DSEL: variants seen among roughly 807,000 people sequenced by gnomAD.
The protein encoded by DSEL is dermatan-sulfate epimerase-like protein.
DSEL carries 61 observed loss-of-function variants against 96.6 expected under a neutral mutation model. That is an observed-to-expected ratio of 0.63 (90% CI 0.51 to 0.78). The LOEUF is 0.78. DSEL is among the 30% of genes least tolerant of loss of function. The pLI is 0.00. For missense variants in DSEL, 1,320 were observed against 1,430.8 expected (o/e 0.92, Z 1.25); for synonymous variants, 514 against 502.0 (o/e 1.02, Z -0.32).
In DSEL at chr18:67,513,233, C is replaced by T. The variant is rs1365586737; in HGVS notation, c.1376G>A (p.Gly459Glu). 6.2e-7 allele frequency: 1 copy of T among 1,614,146 alleles called. No individual in the cohort carries two copies. The highest frequency in any genetic ancestry group is 1.7e-5 in the Admixed American group (1 of 60,018). Residue 459 changes from glycine to glutamate, a missense_variant, in exon 2 of 2, where the codon GGG (glycine) becomes GAG (glutamate). By Grantham distance (98) the Gly-to-Glu change is moderately conservative. Coordinates refer to ENST00000310045, the MANE Select transcript of DSEL (RefSeq NM_032160.3). The stretch of plus-strand genomic sequence containing the variant: ...ATGTCCTGGGTTAAAACTTCTCCAC[C>T]CATCAATCCAGGAATATGGCTGAAA... ...VHFQPYSWID[G>E]WRSFNPGHEH...
Position 67,507,348 on chromosome 18 carries a change from A to C in DSEL, c.*3622T>G, listed in dbSNP as rs1312810779. On this transcript the variant is annotated 3_prime_UTR_variant, in exon 2 of 2. Coordinates refer to ENST00000310045, the MANE Select transcript of DSEL (RefSeq NM_032160.3). ...GGCAACAAAGTGAGACTCCATCCCA[A>C]AAAAAAAAAAAAAAAAAAAAAAAAG... 313 of 56,080 alleles carry C rather than the reference A, an allele frequency of 5.6e-3. 4 individuals carry two copies. Among genetic ancestry groups the C allele is most frequent in the African/African-American group, 0.014 (283 of 20,230 alleles). The allele number at this position is 56,080 out of a possible 1,614,324, so 3.5% of individuals were successfully genotyped here.
In DSEL at chr18:67,514,681, T is replaced by C. The variant is rs767717661; in HGVS notation, c.-73A>G. ...CTCAATGTGTTTCCCATCTGGTTAG[T>C]ATAAAACATACAGTAAAGGCCTTGA... is the stretch of plus-strand genomic sequence containing the variant. On this transcript the variant is annotated 5_prime_UTR_variant, in exon 2 of 2. It adds an upstream start codon to the 5' untranslated region. Transcript: ENST00000310045. 15 of 1,519,090 alleles carry C rather than the reference T, an allele frequency of 9.9e-6. No individual in the cohort carries two copies. The highest frequency in any genetic ancestry group is 3.8e-5 in the Admixed American group (2 of 52,230). 94.1% of individuals were successfully genotyped at this position (1,519,090 alleles called of 1,614,324 possible).
Position 67,512,010 on chromosome 18 carries a change from T to A in DSEL, c.2599A>T (p.Ile867Phe). Reference sequence around the variant, plus strand: ...CTGTTGAAAAAAAGTTGTTTGAGAATTTCAGCTCCTGAACCAGGAAGTGAG... The same window carrying A: ...CTGTTGAAAAAAAGTTGTTTGAGAAATTCAGCTCCTGAACCAGGAAGTGAG... ...ITSLPGSGAE[I>F]LKQLFFNSSD... The change falls in exon 2 of 2, where the codon ATT (isoleucine) becomes TTT (phenylalanine). Residue 867 changes from isoleucine (I) to phenylalanine (F), a missense_variant. Ile to Phe is a conservative substitution (Grantham distance 21, BLOSUM62 0). Around this residue, in one of 3 missense-constraint regions of DSEL, gnomAD observed 986 missense variants for 1,066.4 expected, o/e 0.92. Coordinates refer to ENST00000310045, the MANE Select transcript of DSEL (RefSeq NM_032160.3). 6.2e-7 allele frequency: 1 copy of A among 1,614,094 alleles called. No individual in the cohort carries two copies. Among genetic ancestry groups the A allele is most frequent in the South Asian group, 1.1e-5 (1 of 91,074 alleles).
In DSEL at chr18:67,511,867, C is replaced by T; in HGVS notation, c.2742G>A (p.Gly914=). ...ACCAGCCTCGGAGTAAACGAAAATGCCCACTGCGGATATCTGACACCTTCC... is the reference window on the plus strand; with the variant it reads ...ACCAGCCTCGGAGTAAACGAAAATGTCCACTGCGGATATCTGACACCTTCC... The part of the protein sequence containing the change: ...CEWKVSDIRS[G]HFRLLRGWLQ... Residue 914 remains glycine, a synonymous_variant, in exon 2 of 2, where the codon GGG becomes GGA. Transcript: ENST00000310045. 6.2e-7 allele frequency: 1 copy of T among 1,614,150 alleles called. No homozygotes were observed. The highest frequency in any genetic ancestry group is 8.5e-7 in the Non-Finnish European group (1 of 1,180,026).
chr18:67,513,851 G>A lies in DSEL; in HGVS notation c.758C>T (p.Ala253Val), dbSNP rs372442296. The change falls in exon 2 of 2, where the codon GCT (alanine) becomes GTT (valine). Residue 253 changes from alanine (A) to valine (V), a missense_variant. Ala to Val is a moderately conservative substitution (Grantham distance 64, BLOSUM62 0). Coordinates refer to ENST00000310045, the MANE Select transcript of DSEL (RefSeq NM_032160.3). ...TGTCTTTTCCATGACATCCACTACAGCCTGTTTCCATATATTTGCTTTAGA... is the reference window on the plus strand; with the variant it reads ...TGTCTTTTCCATGACATCCACTACAACCTGTTTCCATATATTTGCTTTAGA... ...KGSKANIWKQAVVDVMEKTMF... is the reference protein window; with the variant it reads ...KGSKANIWKQVVVDVMEKTMF... The A allele has an allele frequency of 1.4e-5, 23 of 1,613,932 alleles. No individual in the cohort carries two copies. The highest frequency in any genetic ancestry group is 7.7e-5 in the South Asian group (7 of 91,080).
At chr18:67,515,542 A>G (rs898208864) in intron 1 of DSEL, 50 bp from the exon 2 acceptor site, 1 of 163,602 alleles carries the variant, frequency 6.1e-6, no homozygotes. Flanking sequence ...AGGTATGCTG[A>G]GAATGAATAT....
intron 1 of DSEL, among the ~76,000 whole-genome samples, chr18:67,515,707 A>G (rs764273478): frequency 6.6e-6 from 1 of 152,194 alleles, no homozygotes; most frequent in Non-Finnish European, 1.5e-5. Flanking sequence ...AGCAGAAGAC[A>G]AGCAACTAAC....
In DSEL at chr18:67,512,924, G is replaced by T; in HGVS notation, c.1685C>A (p.Ser562Ter). 6.2e-7 allele frequency: 1 copy of T among 1,614,178 alleles called. No homozygotes were observed. The highest frequency in any genetic ancestry group is 8.5e-7 in the Non-Finnish European group (1 of 1,180,034). ...VSGEAVSAYS[S>*]AMRLKSVYRA... ...ATATACACTTTTCAGTCTCATTGCT[G>T]AAGAATAAGCAGACACGGCTTCCCC... Residue 562 changes from serine (S) to a stop codon, truncating the protein, a stop_gained, in exon 2 of 2, where the codon TCA (serine) becomes TAA (stop). Transcript: ENST00000310045. LOFTEE classifies it high-confidence loss of function.
Position 67,507,520 on chromosome 18 carries a change from C to G in DSEL, c.*3450G>C, listed in dbSNP as rs2089417052. 6.6e-6 allele frequency: 1 copy of G among 152,114 alleles called. No individual in the cohort carries two copies. Among genetic ancestry groups the G allele is most frequent in the African/African-American group, 2.4e-5 (1 of 41,430 alleles). 9.4% of individuals were successfully genotyped at this position (152,114 alleles called of 1,614,324 possible). On this transcript the variant is annotated 3_prime_UTR_variant, in exon 2 of 2. Coordinates refer to ENST00000310045, the MANE Select transcript of DSEL (RefSeq NM_032160.3). Reference sequence around the variant, plus strand: ...ATTCAAAAATTATCATTAATATTTACTCACTTAAAATTGTGATATACTTTG... The same window carrying G: ...ATTCAAAAATTATCATTAATATTTAGTCACTTAAAATTGTGATATACTTTG...
At position 67,510,183 on chromosome 18, in the gene DSEL, G is replaced by C. The variant is rs2089433256; in HGVS notation, c.*787C>G. 1 of 152,202 alleles carries C rather than the reference G, an allele frequency of 6.6e-6. No individual in the cohort carries two copies. Among genetic ancestry groups the C allele is most frequent in the South Asian group, 2.1e-4 (1 of 4,826 alleles). The allele number at this position is 152,202 out of a possible 1,614,324, so 9.4% of individuals were successfully genotyped here. ...CAGTGACAGAAAGGATAGGATGGGA[G>C]TGATGTGATGGCGAACAGCTGTAGC... is the stretch of plus-strand genomic sequence containing the variant. On this transcript the variant is annotated 3_prime_UTR_variant, in exon 2 of 2. Coordinates refer to ENST00000310045, the MANE Select transcript of DSEL (RefSeq NM_032160.3).
chr18:67,513,629 A>C lies in DSEL; in HGVS notation c.980T>G (p.Val327Gly). Residue 327 changes from valine to glycine, a missense_variant, in exon 2 of 2, where the codon GTG becomes GGG. By Grantham distance (109) the Val-to-Gly change is moderately radical. This residue lies in a region of DSEL where 986 missense variants were observed against 1,066.4 expected (regional missense o/e 0.92). Transcript: ENST00000310045. ...ATLLPGFQRT[V>G]GIADSNYNWF... ...ATTATAATTGGAATCTGCTATACCC[A>C]CAGTTCTTTGGAAGCCAGGTAAAAG... is the stretch of plus-strand genomic sequence containing the variant. 1 of 1,614,164 alleles carries C rather than the reference A, an allele frequency of 6.2e-7. No homozygotes were observed. Among genetic ancestry groups the C allele is most frequent in the Non-Finnish European group, 8.5e-7 (1 of 1,180,040 alleles).
In DSEL at chr18:67,506,742, A is replaced by C. The variant is rs550799476; in HGVS notation, c.*4228T>G. On this transcript the variant is annotated 3_prime_UTR_variant, in exon 2 of 2. Transcript: ENST00000310045. ...GAACAAAAAATTAATTGCTTGGAAG[A>C]CTTAGTTGAATCTATCCATGAAAAC... 1 of 152,258 alleles carries C rather than the reference A, an allele frequency of 6.6e-6. No individual in the cohort carries two copies. The highest frequency in any genetic ancestry group is 2.1e-4 in the South Asian group (1 of 4,816). The allele number at this position is 152,258 out of a possible 1,614,324, so 9.4% of individuals were successfully genotyped here.
rs2089459215 is a variant in DSEL at position 67,513,863 on chromosome 18, A to G, written c.746T>C (p.Ile249Thr). ...GACATCCACTACAGCCTGTTTCCAT[A>G]TATTTGCTTTAGATCCTTTATCTAC... ...TGVDKGSKAN[I>T]WKQAVVDVME... The change falls in exon 2 of 2, where the codon ATA becomes ACA. Residue 249 changes from isoleucine to threonine, a missense_variant. Ile to Thr is a moderately conservative substitution (Grantham distance 89). Around this residue, in one of 3 missense-constraint regions of DSEL, gnomAD observed 323 missense variants for 333.1 expected, o/e 0.97. Coordinates refer to ENST00000310045, the MANE Select transcript of DSEL (RefSeq NM_032160.3). 1.2e-6 allele frequency: 2 copies of G among 1,613,994 alleles called. No homozygotes were observed. The highest frequency in any genetic ancestry group is 1.7e-6 in the Non-Finnish European group (2 of 1,180,016).
chr18:67,508,124 C>T lies in DSEL; in HGVS notation c.*2846G>A, dbSNP rs975638999. ...TTGGGGAAGTTAATGTAGAAAAAGA[C>T]GGATTTTACAGATAAGAAATTTTGT... On this transcript the variant is annotated 3_prime_UTR_variant, in exon 2 of 2. Coordinates refer to ENST00000310045, the MANE Select transcript of DSEL (RefSeq NM_032160.3). 2 of 151,994 alleles carry T rather than the reference C, an allele frequency of 1.3e-5. No homozygotes were observed. The highest frequency in any genetic ancestry group is 1.9e-4 in the East Asian group (1 of 5,194). The allele number at this position is 151,994 out of a possible 1,614,324, so 9.4% of individuals were successfully genotyped here.
At position 67,509,384 on chromosome 18, in the gene DSEL, CCT is replaced by C. The variant is rs751606830; in HGVS notation, c.*1584_*1585del. 1 of 148,814 alleles carries C rather than the reference CCT, an allele frequency of 6.7e-6. No homozygotes were observed. The highest frequency in any genetic ancestry group is 1.5e-5 in the Non-Finnish European group (1 of 66,786). The allele number at this position is 148,814 out of a possible 1,614,324, so 9.2% of individuals were successfully genotyped here. On this transcript the variant is annotated 3_prime_UTR_variant, in exon 2 of 2. Transcript: ENST00000310045. ...TAGTGTAGATTCAGGTCTTCAGTGC[CCT>C]CTCAACCTACATTCACATGAATTTC...
In DSEL at chr18:67,512,957, A is replaced by G. The variant is rs749745007; in HGVS notation, c.1652T>C (p.Phe551Ser). 5 of 1,614,082 alleles carry G rather than the reference A, an allele frequency of 3.1e-6. No individual in the cohort carries two copies. Among genetic ancestry groups the G allele is most frequent in the Non-Finnish European group, 3.4e-6 (4 of 1,179,980 alleles). ...AGCAGACACGGCTTCCCCACTCACA[A>G]ATACCATTTCCCCATGTTGAGAGGC... ...ITASQHGEMV[F>S]VSGEAVSAYS... Residue 551 changes from phenylalanine (F) to serine (S), a missense_variant, in exon 2 of 2, where the codon TTT becomes TCT. Physicochemically the swap from Phe to Ser is radical, Grantham distance 155 (BLOSUM62 -2). Around this residue, in one of 3 missense-constraint regions of DSEL, gnomAD observed 986 missense variants for 1,066.4 expected, o/e 0.92. Transcript: ENST00000310045.
rs1321132290 is a variant in DSEL at position 67,514,373 on chromosome 18, G to C, written c.236C>G (p.Ser79Cys). Residue 79 changes from serine to cysteine, a missense_variant, in exon 2 of 2, where the codon TCT becomes TGT. By Grantham distance (112) the Ser-to-Cys change is moderately radical. Coordinates refer to ENST00000310045, the MANE Select transcript of DSEL (RefSeq NM_032160.3). ...AAAAAGATGCAAATGGCTTGCACGA[G>C]ACTTTTGTCTCATTGCTTGGATTTC... ...AGEIQAMRQK[S>C]RASHLHLFRA... The C allele has an allele frequency of 1.9e-6, 3 of 1,614,186 alleles. No homozygotes were observed. The highest frequency in any genetic ancestry group is 2.5e-6 in the Non-Finnish European group (3 of 1,180,026).
In DSEL at chr18:67,514,386, T is replaced by C. The variant is rs36034073; in HGVS notation, c.223A>G (p.Met75Val). 1.9e-6 allele frequency: 3 copies of C among 1,614,232 alleles called. No individual in the cohort carries two copies. The highest frequency in any genetic ancestry group is 2.5e-6 in the Non-Finnish European group (3 of 1,180,036). Residue 75 changes from methionine to valine, a missense_variant, in exon 2 of 2, where the codon ATG (methionine) becomes GTG (valine). Around this residue, in one of 3 missense-constraint regions of DSEL, gnomAD observed 323 missense variants for 333.1 expected, o/e 0.97. Transcript: ENST00000310045. Reference sequence around the variant, plus strand: ...TGGCTTGCACGAGACTTTTGTCTCATTGCTTGGATTTCTCCAGCATCAAAA... The same window carrying C: ...TGGCTTGCACGAGACTTTTGTCTCACTGCTTGGATTTCTCCAGCATCAAAA... Reference protein sequence around the residue: ...LYFDAGEIQAMRQKSRASHLH... With the variant: ...LYFDAGEIQAVRQKSRASHLH...
chr18:67,511,792 C>G lies in DSEL; in HGVS notation c.2817G>C (p.Leu939=), dbSNP rs1367641045. Residue 939 remains leucine (L), a synonymous_variant, in exon 2 of 2, where the codon CTG becomes CTC. Coordinates refer to ENST00000310045, the MANE Select transcript of DSEL (RefSeq NM_032160.3). ...DTKLHLQNIH[L]HEPNRGKLAQ... ...CCAGTTTACCCCTATTGGGTTCATG[C>G]AGATGGATGTTTTGCAAATGTAATT... 1 of 1,614,036 alleles carries G rather than the reference C, an allele frequency of 6.2e-7. No homozygotes were observed. The highest frequency in any genetic ancestry group is 8.5e-7 in the Non-Finnish European group (1 of 1,180,046).
Sources: allele counts gnomAD v4.1 joint callset (sites outside exome capture counted in the v4.1 genomes callset), GRCh38; gene constraint gnomAD v4.1.1; regional missense constraint gnomAD v4.1.1; transcripts MANE v1.5; gene names NCBI Gene and HGNC (gene_info 2026-07-23, HGNC 2026-07-21).